PTPRD: variants seen among roughly 807,000 people sequenced by gnomAD.
PTPRD encodes the protein receptor-type tyrosine-protein phosphatase delta.
PTPRD carries 34 observed loss-of-function variants against 214.5 expected under a neutral mutation model. That is an observed-to-expected ratio of 0.16 (90% CI 0.12 to 0.21). PTPRD has a LOEUF of 0.21. Ranked by LOEUF, PTPRD falls within the 10% of genes least tolerant of loss-of-function variation. The probability of loss-of-function intolerance (pLI) is 1.00; values close to 1 mark genes in which losing one functional copy is unlikely to be tolerated. For synonymous variants in PTPRD, 1,128 were observed against 845.7 expected (o/e 1.33, Z -5.79); for missense variants, 2,545 against 2,398.7 (o/e 1.06, Z -1.27).
intron 4 of PTPRD, among the ~76,000 whole-genome samples, chr9:10,018,738 A>G (rs957743727): frequency 2.7e-5 from 4 of 149,478 alleles, no homozygotes; most frequent in Non-Finnish European, 5.9e-5. Flanking sequence ...TTTAGTAGAG[A>G]CGGGGTTTCA....
chr9:9,521,669 C>T (rs978419009), intron 8 of PTPRD, among the ~76,000 whole-genome samples: 1 of 152,006 alleles, frequency 6.6e-6, no homozygotes, highest in African/African-American at 2.4e-5. Context: ...AGCCCTATGC[C>T]TCGTAAATGA....
intron 2 of PTPRD, among the ~76,000 whole-genome samples, chr9:10,597,003 A>G (rs920596425): frequency 6.6e-6 from 1 of 151,500 alleles, no homozygotes; most frequent in Non-Finnish European, 1.5e-5. Context: ...GCCTAAAAAC[A>G]TGTAACTATC....
chr9:8,789,198 G>C (rs1157337134), intron 11 of PTPRD, among the ~76,000 whole-genome samples: 1 of 152,040 alleles, frequency 6.6e-6, no homozygotes, highest in Non-Finnish European at 1.5e-5. Flanking sequence ...TATACTTAAT[G>C]CTTCTACTAA....
At chr9:10,345,966 G>C (rs2097071557) in intron 2 of PTPRD, among the ~76,000 whole-genome samples, 1 of 152,122 alleles carries the variant, frequency 6.6e-6, no homozygotes, top group Non-Finnish European at 1.5e-5. Flanking sequence ...TAACTGATGT[G>C]AGATGGTATT....
At chr9:9,587,051 G>T (rs931153026) in intron 7 of PTPRD, among the ~76,000 whole-genome samples, 1 of 151,838 alleles carries the variant, frequency 6.6e-6, no homozygotes, top group Non-Finnish European at 1.5e-5. Flanking sequence ...AGGAGGAAAT[G>T]TATGTGTATA....
intron 10 of PTPRD, among the ~76,000 whole-genome samples, chr9:9,073,608 A>G (rs1446286125): frequency 6.6e-6 from 1 of 152,222 alleles, no homozygotes; most frequent in Non-Finnish European, 1.5e-5. Context: ...GCAGACTGCA[A>G]CATAGAAATT....
intron 9 of PTPRD, among the ~76,000 whole-genome samples, chr9:9,231,321 AG>A (rs1483415941): frequency 1.3e-5 from 2 of 152,178 alleles, no homozygotes; most frequent in Admixed American, 1.3e-4. Flanking sequence ...TGGCTGGAAA[AG>A]CCAAATTAGA....
chr9:8,875,832 C>A (rs2154212276), intron 11 of PTPRD, among the ~76,000 whole-genome samples: 1 of 152,162 alleles, frequency 6.6e-6, no homozygotes, highest in Middle Eastern at 3.4e-3. Flanking sequence ...TGTGCATATG[C>A]CTTAACTTCT....
At chr9:8,599,485 T>C (rs2094683303) in intron 14 of PTPRD, among the ~76,000 whole-genome samples, 1 of 152,138 alleles carries the variant, frequency 6.6e-6, no homozygotes, top group East Asian at 1.9e-4. Flanking sequence ...AGTAATGAAT[T>C]TTTTTGATAC....
At chr9:10,163,625 C>T (rs1008567325) in intron 3 of PTPRD, among the ~76,000 whole-genome samples, 2 of 151,306 alleles carry the variant, frequency 1.3e-5, no homozygotes, top group Non-Finnish European at 3.0e-5. Context: ...AGATTGAAAA[C>T]CAACTCAGTA....
chr9:9,037,345 G>T (rs545098500), intron 10 of PTPRD, among the ~76,000 whole-genome samples: 1 of 152,066 alleles, frequency 6.6e-6, no homozygotes, highest in Non-Finnish European at 1.5e-5. Flanking sequence ...TCTGAGGAAG[G>T]ACTAAAATAG....
chr9:10,384,350 T>C (rs756160341), intron 2 of PTPRD, among the ~76,000 whole-genome samples: 1 of 151,718 alleles, frequency 6.6e-6, no homozygotes, highest in Non-Finnish European at 1.5e-5. Flanking sequence ...TAAAATGTGG[T>C]AGGTATTAGT....
chr9:8,941,004 G>A (rs1221173735), intron 11 of PTPRD, among the ~76,000 whole-genome samples: 1 of 152,014 alleles, frequency 6.6e-6, no homozygotes, highest in Non-Finnish European at 1.5e-5. Flanking sequence ...CTTCCATCTT[G>A]AAGATTTAGA....
At chr9:10,547,801 T>C (rs1280436734) in intron 2 of PTPRD, among the ~76,000 whole-genome samples, 1 of 151,894 alleles carries the variant, frequency 6.6e-6, no homozygotes. Flanking sequence ...CAATGACAGA[T>C]TGCTGTATTT....
chr9:9,354,888 G>C (rs1282049504), intron 9 of PTPRD, among the ~76,000 whole-genome samples: 1 of 151,670 alleles, frequency 6.6e-6, no homozygotes, highest in East Asian at 1.9e-4. Context: ...ACTAGTGCAA[G>C]AGGCCTAAGG....
chr9:10,066,411 A>C (rs1483888258), intron 3 of PTPRD, among the ~76,000 whole-genome samples: 1 of 151,884 alleles, frequency 6.6e-6, no homozygotes. Context: ...TCACTAATTG[A>C]AGCTATTAAT....
At chr9:8,379,008 G>T (rs920563671) in intron 37 of PTPRD, among the ~76,000 whole-genome samples, 7 of 151,992 alleles carry the variant, frequency 4.6e-5, no homozygotes, top group Non-Finnish European at 7.4e-5. Flanking sequence ...AAAAATACCA[G>T]GAAGCATTAC....
Position 9,004,676 on chromosome 9 carries a change from TGAGGGCAAAACTGCCTGCG to T in PTPRD, c.-104+14002_-104+14020del, listed in dbSNP as rs547717865. 1.8e-4 allele frequency among the ~76,000 whole-genome samples: 27 copies of T among 152,164 alleles called. 1 individual carries two copies. Among genetic ancestry groups the T allele is most frequent in the African/African-American group, 5.1e-4 (21 of 41,552 alleles). The stretch of plus-strand genomic sequence containing the variant: ...ATAACCACCCTGCAAATAAAGAGAA[TGAGGGCAAAACTGCCTGCG>T]GAGGGCAAAACTGCCTGTATACCAG... On this transcript the variant is annotated intron_variant, in intron 11 of 45. Transcript: ENST00000381196.
intron 4 of PTPRD, among the ~76,000 whole-genome samples, chr9:9,952,768 T>C (rs1217310601): frequency 1.3e-5 from 2 of 152,116 alleles, no homozygotes; most frequent in Admixed American, 1.3e-4. Context: ...AGAGTACCTG[T>C]AATACTGTCA....
Sources: gnomAD v4.1 joint callset for allele counts (sites outside exome capture counted in the v4.1 genomes callset) on GRCh38, gnomAD v4.1.1 for gene constraint, MANE v1.5 for transcripts, NCBI Gene and HGNC (gene_info 2026-07-23, HGNC 2026-07-21) for gene names.